SLC35D4: variants seen among roughly 807,000 people sequenced by gnomAD.
The protein encoded by SLC35D4 is UDP-N-acetylglucosamine transporter SLC35D4.
the SLC35D4 span, among the ~76,000 whole-genome samples, chr18:23,428,711 G>C: frequency 6.6e-6 from 1 of 150,592 alleles, no homozygotes; most frequent in Non-Finnish European, 1.5e-5. Flanking sequence ...AAAGATTCAA[G>C]GGGTGCTTGT....
At chr18:23,332,317 A>C in the SLC35D4 span, among the ~76,000 whole-genome samples, 1 of 152,222 alleles carries the variant, frequency 6.6e-6, no homozygotes, top group South Asian at 2.1e-4. Flanking sequence ...TTATGCAGCT[A>C]CCACCACCAT....
At chr18:23,389,737 C>A in the SLC35D4 span, among the ~76,000 whole-genome samples, 1 of 152,146 alleles carries the variant, frequency 6.6e-6, no homozygotes, top group South Asian at 2.1e-4. Context: ...TGAGGTTTTG[C>A]CATGTTGATC....
At chr18:23,361,538 C>A in the SLC35D4 span, among the ~76,000 whole-genome samples, 1 of 152,170 alleles carries the variant, frequency 6.6e-6, no homozygotes, top group Non-Finnish European at 1.5e-5. Context: ...GCCCGACTTT[C>A]TGTACCTGGC....
At chr18:23,403,526 G>A in the SLC35D4 span, among the ~76,000 whole-genome samples, 2 of 152,228 alleles carry the variant, frequency 1.3e-5, no homozygotes, top group African/African-American at 2.4e-5. Context: ...TTGGAGGAAG[G>A]CAAGTGTAGC....
chr18:23,270,863 G>T, the SLC35D4 span, among the ~76,000 whole-genome samples: 1 of 152,340 alleles, frequency 6.6e-6, no homozygotes, highest in East Asian at 1.9e-4. Context: ...GAAGGGATTT[G>T]CCTTATCTCA....
chr18:23,389,820 G>GT, the SLC35D4 span, among the ~76,000 whole-genome samples: 2 of 152,178 alleles, frequency 1.3e-5, no homozygotes, highest in Non-Finnish European at 2.9e-5. Context: ...ATTTACAGGT[G>GT]TAAGCCACCA....
chr18:23,424,518 A>G, the SLC35D4 span, among the ~76,000 whole-genome samples: 3 of 152,154 alleles, frequency 2.0e-5, no homozygotes, highest in African/African-American at 7.2e-5. Flanking sequence ...GTCTCATCCA[A>G]CCAAGGACAG....
At chr18:23,374,427 A>C in the SLC35D4 span, among the ~76,000 whole-genome samples, 2 of 152,218 alleles carry the variant, frequency 1.3e-5, no homozygotes, top group Non-Finnish European at 2.9e-5. Context: ...AGGCAATGAA[A>C]GACAATAAAA....
the SLC35D4 span, among the ~76,000 whole-genome samples, chr18:23,273,375 C>T: frequency 3.9e-5 from 6 of 152,318 alleles, no homozygotes; most frequent in South Asian, 1.2e-3. Context: ...GGTGAATGAG[C>T]TCACCTGACA....
chr18:23,352,259 A>T, the SLC35D4 span: 4 of 1,610,832 alleles, frequency 2.5e-6, no homozygotes, highest in Non-Finnish European at 3.4e-6. Flanking sequence ...GCTTCACTGT[A>T]CTGAACATGA....
At chr18:23,319,244 C>CTTTCTTTA in the SLC35D4 span, among the ~76,000 whole-genome samples, 1 of 147,298 alleles carries the variant, frequency 6.8e-6, no homozygotes, top group African/African-American at 2.5e-5. Flanking sequence ...TATTTCAGTG[C>CTTTCTTTA]TTTATTTATT....
chr18:23,399,137 C>T, the SLC35D4 span, among the ~76,000 whole-genome samples: 3 of 152,182 alleles, frequency 2.0e-5, no homozygotes, highest in African/African-American at 7.2e-5. Flanking sequence ...AACCCTGTGC[C>T]AGGCATTTGC....
At chr18:23,324,073 ACT>A in the SLC35D4 span, among the ~76,000 whole-genome samples, 4 of 150,848 alleles carry the variant, frequency 2.7e-5, no homozygotes, top group South Asian at 2.1e-4. Flanking sequence ...AGGAAGTGAG[ACT>A]CTGTCTCAAA....
At chr18:23,430,698 T>C in the SLC35D4 span, 1 of 1,603,198 alleles carries the variant, frequency 6.2e-7, no homozygotes, top group Non-Finnish European at 8.5e-7. Context: ...AACACCAAAT[T>C]ACTGGACATT....
chr18:23,430,917 AG>A, the SLC35D4 span, among the ~76,000 whole-genome samples: 2 of 152,126 alleles, frequency 1.3e-5, no homozygotes, highest in African/African-American at 4.8e-5. Flanking sequence ...GCACTTTGGG[AG>A]GGTGAGGCAG....
At chr18:23,431,153 CAAAAAAAA>C in the SLC35D4 span, among the ~76,000 whole-genome samples, 42 of 66,242 alleles carry the variant, frequency 6.3e-4, no homozygotes, top group East Asian at 5.3e-3. Flanking sequence ...GAGTATATCT[CAAAAAAAA>C]AAAAAAAAAA....
the SLC35D4 span, among the ~76,000 whole-genome samples, chr18:23,307,683 T>A: frequency 6.6e-6 from 1 of 152,236 alleles, no homozygotes; most frequent in African/African-American, 2.4e-5. Context: ...TAGTACTTTC[T>A]CTGTGCATCC....
chr18:23,426,113 G>C, the SLC35D4 span, among the ~76,000 whole-genome samples: 1 of 152,042 alleles, frequency 6.6e-6, no homozygotes, highest in Non-Finnish European at 1.5e-5. Context: ...ATTAAAACTT[G>C]AATAAAGCTT....
At chr18:23,287,217 C>G in the SLC35D4 span, among the ~76,000 whole-genome samples, 4 of 152,174 alleles carry the variant, frequency 2.6e-5, no homozygotes, top group Admixed American at 2.6e-4. Flanking sequence ...ATTGTTTTGC[C>G]TATCCACCCC....
Sources: gnomAD v4.1 joint callset for allele counts (sites outside exome capture counted in the v4.1 genomes callset) on GRCh38, gnomAD v4.1.1 for gene constraint, MANE v1.5 for transcripts, NCBI Gene and HGNC (gene_info 2026-07-23, HGNC 2026-07-21) for gene names.